The following NFATC2 variants were observed in gnomAD, a reference collection of about 807,000 sequenced individuals.
NFATC2 encodes nuclear factor of activated T cells 2.
In NFATC2, 22 loss-of-function variants were observed where a neutral mutation model predicts 87.3. The observed-to-expected ratio is 0.25, with a 90% CI of 0.18 to 0.36. NFATC2 has a LOEUF of 0.36. Ranked by LOEUF, NFATC2 falls within the 10% of genes least tolerant of loss-of-function variation. NFATC2 has a pLI of 1.00. For synonymous variants in NFATC2, 565 were observed against 542.2 expected (o/e 1.04, Z -0.58); for missense variants, 1,149 against 1,259.1 (o/e 0.91, Z 1.32).
At chr20:51,543,263 C>T (rs1465670567), upstream of NFATC2, among the ~76,000 whole-genome samples, 1 of 152,234 alleles carries the variant, frequency 6.6e-6, no homozygotes, top group Non-Finnish European at 1.5e-5. Flanking sequence ...CCACCTACCA[C>T]GTGCCAGGTG....
At chr20:51,426,110 G>A (rs1320136204) in intron 9 of NFATC2, among the ~76,000 whole-genome samples, 2 of 107,450 alleles carry the variant, frequency 1.9e-5, no homozygotes, top group African/African-American at 2.6e-5. Context: ...AAAGATCAGA[G>A]TAGCCCATTT....
At position 51,524,252 on chromosome 20, in the gene NFATC2, C is replaced by T. The variant is rs2076506721; in HGVS notation, c.131-142G>A. On this transcript the variant is annotated intron_variant, in intron 1 of 10. Transcript: ENST00000371564. This position sits in a 1 kb window ranked among gnomAD's most constrained non-coding sequence, Gnocchi z 4.0. ...ATGCCAAACCCCAAGCTAGAAGCTC[C>T]GTCCCTCACCAGAAGAAAACTGAGG... 6 of 730,492 alleles carry T rather than the reference C, an allele frequency of 8.2e-6. No individual in the cohort carries two copies. The South Asian group carries it at 2.2e-4, about 27-fold the overall frequency. 45.3% of individuals were successfully genotyped at this position (730,492 alleles called of 1,614,324 possible). A position where few individuals can be genotyped will look rare whatever the true frequency, so the allele number is the denominator to read the frequency against.
chr20:51,519,751 TAA>T (rs66928164), intron 2 of NFATC2, among the ~76,000 whole-genome samples: 66,531 of 122,492 alleles, frequency 0.54, 17,304 homozygotes, highest in Middle Eastern at 0.59. Context: ...CCATCTCTAC[TAA>T]AAAAAAAAAA....
At chr20:51,517,671 CTATGGG>C (rs2076375335) in intron 2 of NFATC2, among the ~76,000 whole-genome samples, 1 of 151,742 alleles carries the variant, frequency 6.6e-6, no homozygotes, top group East Asian at 1.9e-4. Context: ...AATCCCAACA[CTATGGG>C]AGGCTGAGGT....
intron 9 of NFATC2, among the ~76,000 whole-genome samples, chr20:51,427,045 C>T (rs1405957669): frequency 1.3e-5 from 2 of 152,128 alleles, no homozygotes; most frequent in African/African-American, 4.8e-5. Context: ...CAGCCATCAC[C>T]GAGACCACAT....
chr20:51,498,061 G>A (rs1338294739), intron 3 of NFATC2, among the ~76,000 whole-genome samples: 7 of 152,146 alleles, frequency 4.6e-5, no homozygotes, highest in Non-Finnish European at 1.0e-4. Flanking sequence ...CACGACTTCT[G>A]TTGGCCTCAA....
At chr20:51,456,727 G>C (rs1210010903) in intron 5 of NFATC2, among the ~76,000 whole-genome samples, 1 of 152,210 alleles carries the variant, frequency 6.6e-6, no homozygotes, top group Non-Finnish European at 1.5e-5. Context: ...AGGAGCCTAC[G>C]GACCTCCCCA....
chr20:51,523,653 G>A lies in NFATC2; in HGVS notation c.588C>T (p.Gly196=), dbSNP rs1371820387. Residue 196 remains glycine, a synonymous_variant, in exon 2 of 11, where the codon GGC becomes GGT. Transcript: ENST00000371564. This position sits in a 1 kb window ranked among gnomAD's most constrained non-coding sequence, Gnocchi z 6.9. ...YTSPCVSPNN[G]GPDDLCPQFQ... is the part of the protein sequence containing the mutation. ...ACTGCGGACACAGGTCGTCGGGCCCGCCGTTATTGGGCGAGACGCAGGGCG... is the reference window on the plus strand; with the variant it reads ...ACTGCGGACACAGGTCGTCGGGCCCACCGTTATTGGGCGAGACGCAGGGCG... 1.9e-6 allele frequency: 3 copies of A among 1,613,900 alleles called. No homozygotes were observed. The highest frequency in any genetic ancestry group is 8.5e-7 in the Non-Finnish European group (1 of 1,179,870).
At chr20:51,456,890 C>T (rs763045274) in intron 5 of NFATC2, among the ~76,000 whole-genome samples, 4 of 152,228 alleles carry the variant, frequency 2.6e-5, no homozygotes, top group South Asian at 2.1e-4. Flanking sequence ...TTTCAGGAGT[C>T]GCCGTGCACC....
intron 3 of NFATC2, among the ~76,000 whole-genome samples, chr20:51,505,567 T>C (rs559173253): frequency 6.6e-6 from 1 of 152,216 alleles, no homozygotes; most frequent in South Asian, 2.1e-4. Flanking sequence ...TGTGCCAGTA[T>C]TCAGAATAGG....
intron 5 of NFATC2, among the ~76,000 whole-genome samples, chr20:51,471,708 C>T (rs956323026): frequency 1.3e-5 from 2 of 152,212 alleles, no homozygotes; most frequent in African/African-American, 4.8e-5. Flanking sequence ...GCTTTCCCAA[C>T]CTCTTCTGCA....
chr20:51,468,074 T>C (rs1203058584), intron 5 of NFATC2, among the ~76,000 whole-genome samples: 1 of 152,222 alleles, frequency 6.6e-6, no homozygotes, highest in Non-Finnish European at 1.5e-5. Flanking sequence ...GGGTACACAC[T>C]GTATTAATTC....
chr20:51,500,908 A>G (rs941463040), intron 3 of NFATC2, among the ~76,000 whole-genome samples: 2 of 115,388 alleles, frequency 1.7e-5, no homozygotes, highest in Non-Finnish European at 3.5e-5. Flanking sequence ...GCTCCATCCA[A>G]AAGAAAGGAA....
chr20:51,535,946 C>T (rs2076713107), intron 1 of NFATC2, among the ~76,000 whole-genome samples: 1 of 152,194 alleles, frequency 6.6e-6, no homozygotes, highest in Non-Finnish European at 1.5e-5. Context: ...GCAATCTCCC[C>T]ACTCTGCATG....
intron 3 of NFATC2, among the ~76,000 whole-genome samples, chr20:51,503,113 G>A (rs1489145301): frequency 1.3e-5 from 2 of 152,162 alleles, no homozygotes; most frequent in East Asian, 3.9e-4. Context: ...TATCTCTGGC[G>A]GGATGTCCAG....
chr20:51,454,748 G>C, intron 5 of NFATC2, 60 bp from the exon 6 acceptor site: 1 of 1,582,364 alleles, frequency 6.3e-7, no homozygotes, highest in African/African-American at 1.3e-5. Flanking sequence ...CAAAAGAGGA[G>C]GTCTGATTTC....
intron 1 of NFATC2, among the ~76,000 whole-genome samples, chr20:51,558,503 T>C (rs2076996992): frequency 6.6e-6 from 1 of 151,822 alleles, no homozygotes; most frequent in Non-Finnish European, 1.5e-5. Context: ...GCGAGGTAAA[T>C]GTTGAAATAA....
At position 51,432,584 on chromosome 20, in the gene NFATC2, G is replaced by A. The variant is rs754783727; in HGVS notation, c.2205C>T (p.Leu735=). ...MAPCQQFRTG[L]SSPDARYQQQ... is the part of the protein sequence containing the mutation. ...GCTGGTAGCGGGCGTCAGGGGATGA[G>A]AGCCCCGTGCGGAACTGCTGGCAGG... is the stretch of plus-strand genomic sequence containing the variant. The change falls in exon 9 of 11, where the codon CTC becomes CTT. Residue 735 remains leucine (L), a synonymous_variant. Transcript: ENST00000371564. This position sits in a 1 kb window ranked among gnomAD's most constrained non-coding sequence, Gnocchi z 4.6. 8 of 1,532,780 alleles carry A rather than the reference G, an allele frequency of 5.2e-6. No individual in the cohort carries two copies. The Admixed American group carries it at 1.3e-4, about 24-fold the overall frequency. The allele number at this position is 1,532,780 out of a possible 1,614,324, so 94.9% of individuals were successfully genotyped here. A position where few individuals can be genotyped will look rare whatever the true frequency, so the allele number is the denominator to read the frequency against.
At chr20:51,399,992 C>G (rs933722543) in intron 9 of NFATC2, among the ~76,000 whole-genome samples, 2 of 152,130 alleles carry the variant, frequency 1.3e-5, no homozygotes, top group Non-Finnish European at 2.9e-5. Context: ...CCCTCCTCCC[C>G]GTGTCTCACC....
Sources: gnomAD v4.1 joint callset for allele counts (sites outside exome capture counted in the v4.1 genomes callset) on GRCh38, gnomAD v4.1.1 for gene constraint, Gnocchi (gnomAD v3.1) non-coding constraint, MANE v1.5 for transcripts, NCBI Gene and HGNC (gene_info 2026-07-23, HGNC 2026-07-21) for gene names.